The following OSER1 variants were observed in gnomAD, a reference collection of about 807,000 sequenced individuals.
OSER1 encodes oxidative stress responsive serine rich 1.
OSER1 carries 15 observed loss-of-function variants against 26.3 expected under a neutral mutation model. The ratio of observed to expected loss-of-function variants is 0.57; its 90% CI spans 0.38 to 0.88. The LOEUF (loss-of-function observed/expected upper bound fraction) is 0.88, where lower values mean the gene tolerates loss of function less well. Ranked by LOEUF, OSER1 falls within the 40% of genes least tolerant of loss-of-function variation. OSER1 has a pLI of 0.00. For missense variants in OSER1, 313 were observed against 353.9 expected, an observed-to-expected ratio of 0.88 and a Z score of 0.93; for synonymous variants, 127 against 128.2, an observed-to-expected ratio of 0.99 and a Z score of 0.07.
upstream of OSER1, among the ~76,000 whole-genome samples, chr20:44,211,557 C>T (rs2073110500): frequency 6.6e-6 from 1 of 152,186 alleles, no homozygotes; most frequent in Admixed American, 6.5e-5. Context: ...CTTTGAGAAT[C>T]TGGTGAGAAC....
chr20:44,198,163 T>C (rs1451829624), intron 3 of OSER1, among the ~76,000 whole-genome samples: 1 of 152,214 alleles, frequency 6.6e-6, no homozygotes, highest in Non-Finnish European at 1.5e-5. Context: ...AGGCTAACGT[T>C]ACAAATGACC....
rs377156894 is a variant in OSER1 at position 44,201,544 on chromosome 20, G to GA, written c.191+1416dup. Among the ~76,000 whole-genome samples, 161 of 152,258 alleles carry GA rather than the reference G, an allele frequency of 1.1e-3. 1 individual carries two copies. Among genetic ancestry groups the GA allele is most frequent in the African/African-American group, 3.8e-3 (157 of 41,552 alleles). On this transcript the variant is annotated intron_variant, in intron 3 of 3. Coordinates refer to ENST00000255174, the MANE Select transcript of OSER1 (RefSeq NM_016470.8). ...AGGTCTGAGGTGAAAGCATGGTGAGGAAAGAAGATATAAGCAAACAGAAAA... is the reference window on the plus strand; with the variant it reads ...AGGTCTGAGGTGAAAGCATGGTGAGGAAAAGAAGATATAAGCAAACAGAAAA...
Position 44,196,060 on chromosome 20 carries a change from T to C in OSER1, c.*992A>G, listed in dbSNP as rs1389976581. On this transcript the variant is annotated 3_prime_UTR_variant, in exon 4 of 4. Transcript: ENST00000255174. ...CTCTGCTCAGGATGGTCTGAACACA[T>C]GCAACATTCTTTTTGGAGCCACCTG... 3.3e-5 allele frequency among the ~76,000 whole-genome samples: 5 copies of C among 152,198 alleles called. No individual in the cohort carries two copies. The highest frequency in any genetic ancestry group is 5.9e-5 in the Non-Finnish European group (4 of 68,040).
chr20:44,208,136 C>T (rs1225112657), intron 1 of OSER1, among the ~76,000 whole-genome samples: 1 of 125,658 alleles, frequency 8.0e-6, no homozygotes, highest in Non-Finnish European at 1.6e-5. Context: ...CCCTCTTGGG[C>T]ATTCTCAGAG....
chr20:44,202,056 C>A (rs117811352), intron 3 of OSER1, among the ~76,000 whole-genome samples: 2,558 of 152,224 alleles, frequency 0.017, 36 homozygotes, highest in Non-Finnish European at 0.028. Context: ...TGAAACACAG[C>A]TAAAATACAA....
chr20:44,206,636 T>G (rs2073040675), intron 2 of OSER1, among the ~76,000 whole-genome samples: 1 of 152,188 alleles, frequency 6.6e-6, no homozygotes. Flanking sequence ...CTCCTCAAAG[T>G]GAACGAAACC....
intron 2 of OSER1, among the ~76,000 whole-genome samples, chr20:44,205,939 C>CAAAAAA (rs3037684): frequency 2.8e-5 from 2 of 71,712 alleles, no homozygotes; most frequent in Non-Finnish European, 5.2e-5. Flanking sequence ...GAATCCGTCT[C>CAAAAAA]AAAAAAAAAA....
chr20:44,196,070 T>C lies in OSER1; in HGVS notation c.*982A>G, dbSNP rs1402530842. 6.6e-6 allele frequency among the ~76,000 whole-genome samples: 1 copy of C among 152,214 alleles called. No individual in the cohort carries two copies. Among genetic ancestry groups the C allele is most frequent in the Non-Finnish European group, 1.5e-5 (1 of 68,040 alleles). ...GATGGTCTGAACACATGCAACATTCTTTTTGGAGCCACCTGAAAAACAAGG... is the reference window on the plus strand; with the variant it reads ...GATGGTCTGAACACATGCAACATTCCTTTTGGAGCCACCTGAAAAACAAGG... On this transcript the variant is annotated 3_prime_UTR_variant, in exon 4 of 4. Coordinates refer to ENST00000255174, the MANE Select transcript of OSER1 (RefSeq NM_016470.8).
At chr20:44,201,490 T>C (rs2072981660) in intron 3 of OSER1, among the ~76,000 whole-genome samples, 2 of 152,120 alleles carry the variant, frequency 1.3e-5, no homozygotes, top group Non-Finnish European at 1.5e-5. Flanking sequence ...GAAACTACTT[T>C]AGGAAAAAAG....
At chr20:44,211,041 C>G (rs1452305454), upstream of OSER1, 3 of 152,406 alleles carry the variant, frequency 2.0e-5, no homozygotes, top group Admixed American at 1.3e-4. Context: ...GCTCCCGACC[C>G]GCTTTTGGGG....
At chr20:44,210,435 C>T (rs2073090811) in intron 1 of OSER1, among the ~76,000 whole-genome samples, 1 of 152,126 alleles carries the variant, frequency 6.6e-6, no homozygotes, top group Admixed American at 6.5e-5. Flanking sequence ...CGGGAGACGG[C>T]GGAGGAGCGA....
At chr20:44,198,636 TAAATAAAATA>T (rs755412974) in intron 3 of OSER1, among the ~76,000 whole-genome samples, 5 of 148,432 alleles carry the variant, frequency 3.4e-5, no homozygotes, top group South Asian at 2.1e-4. Flanking sequence ...AATAAATAAA[TAAATAAAATA>T]AAATAAAATT....
chr20:44,203,295 A>G (rs2073002343), intron 2 of OSER1, among the ~76,000 whole-genome samples: 1 of 152,016 alleles, frequency 6.6e-6, no homozygotes, highest in South Asian at 2.1e-4. Flanking sequence ...AATGACTGGT[A>G]AGTGTACCCA....
At chr20:44,202,723 A>G (rs2072996000) in intron 3 of OSER1, among the ~76,000 whole-genome samples, 1 of 152,240 alleles carries the variant, frequency 6.6e-6, no homozygotes, top group Admixed American at 6.5e-5. Flanking sequence ...AGAGAACCCA[A>G]GAATAATTAG....
At position 44,196,115 on chromosome 20, in the gene OSER1, C is replaced by G. The variant is rs776586117; in HGVS notation, c.*937G>C. ...ACAAGGATTCATCATCCAGCTGAAA[C>G]CGAAGACAGATTTTTTTTTTACCAA... On this transcript the variant is annotated 3_prime_UTR_variant, in exon 4 of 4. Transcript: ENST00000255174. 6.6e-6 allele frequency among the ~76,000 whole-genome samples: 1 copy of G among 152,032 alleles called. No individual in the cohort carries two copies. Among genetic ancestry groups the G allele is most frequent in the Non-Finnish European group, 1.5e-5 (1 of 68,022 alleles).
intron 3 of OSER1, among the ~76,000 whole-genome samples, chr20:44,200,615 T>C (rs907022551): frequency 2.0e-5 from 3 of 152,244 alleles, no homozygotes; most frequent in African/African-American, 7.2e-5. Flanking sequence ...AGAGTAAGTC[T>C]GGAATTTCTG....
At position 44,196,050 on chromosome 20, in the gene OSER1, T is replaced by G. The variant is rs1452730611; in HGVS notation, c.*1002A>C. On this transcript the variant is annotated 3_prime_UTR_variant, in exon 4 of 4. Coordinates refer to ENST00000255174, the MANE Select transcript of OSER1 (RefSeq NM_016470.8). ...AATTTGGTGGCTCTGCTCAGGATGG[T>G]CTGAACACATGCAACATTCTTTTTG... Among the ~76,000 whole-genome samples, 1 of 152,214 alleles carries G rather than the reference T, an allele frequency of 6.6e-6. No homozygotes were observed. The highest frequency in any genetic ancestry group is 1.5e-5 in the Non-Finnish European group (1 of 68,032).
At chr20:44,198,463 C>CA (rs1188257074) in intron 3 of OSER1, among the ~76,000 whole-genome samples, 1 of 151,782 alleles carries the variant, frequency 6.6e-6, no homozygotes, top group Non-Finnish European at 1.5e-5. Context: ...ACTAAAAATA[C>CA]AAAAAATTAG....
chr20:44,199,367 C>G (rs1185929224), intron 3 of OSER1, among the ~76,000 whole-genome samples: 1 of 152,150 alleles, frequency 6.6e-6, no homozygotes, highest in Non-Finnish European at 1.5e-5. Context: ...CACGAGCCCC[C>G]TTGCCACGTG....
Sources: allele counts gnomAD v4.1 joint callset (sites outside exome capture counted in the v4.1 genomes callset), GRCh38; gene constraint gnomAD v4.1.1; transcripts MANE v1.5; gene names NCBI Gene and HGNC (gene_info 2026-07-23, HGNC 2026-07-21).